ADAMTS17: variants seen among roughly 807,000 people sequenced by gnomAD.
The protein encoded by ADAMTS17 is ADAM metallopeptidase with thrombospondin type 1 motif 17.
A neutral mutation model predicts 141.5 loss-of-function variants in ADAMTS17; 113 were observed. That is an observed-to-expected ratio of 0.80 (90% confidence interval 0.69 to 0.93). The LOEUF is 0.93. ADAMTS17 is among the 40% of genes least tolerant of loss of function. The pLI is 0.00. For missense variants in ADAMTS17, 1,659 were observed against 1,517.9 expected (o/e 1.09, Z -1.54); for synonymous variants, 768 against 630.6 (o/e 1.22, Z -3.27).
chr15:100,184,516 G>C lies in ADAMTS17; in HGVS notation c.1181+14802C>G, dbSNP rs78287689. Among the ~76,000 whole-genome samples, 1,297 of 152,268 alleles carry C rather than the reference G, an allele frequency of 8.5e-3. 19 individuals are homozygous for C. The highest frequency in any genetic ancestry group is 0.029 in the African/African-American group (1,193 of 41,546). On this transcript the variant is annotated intron_variant, in intron 8 of 21. Coordinates refer to ENST00000268070, the MANE Select transcript of ADAMTS17 (RefSeq NM_139057.4). The stretch of plus-strand genomic sequence containing the variant: ...CCTTTACGTTTTTCTGAGGCTGTCA[G>C]TGTCCCCATTATACAGACGAGGACA...
chr15:100,175,519 T>A (rs1003423672), intron 8 of ADAMTS17, among the ~76,000 whole-genome samples: 3 of 152,092 alleles, frequency 2.0e-5, no homozygotes, highest in Non-Finnish European at 4.4e-5. Flanking sequence ...ACATTTCAAC[T>A]CTTAATGCAT....
chr15:100,169,984 C>T (rs1484576702), intron 8 of ADAMTS17, among the ~76,000 whole-genome samples: 1 of 152,106 alleles, frequency 6.6e-6, no homozygotes, highest in Non-Finnish European at 1.5e-5. Context: ...TCCCGGACAC[C>T]TCCTAGTCTC....
chr15:100,167,726 C>T (rs188913449), intron 8 of ADAMTS17, among the ~76,000 whole-genome samples: 4 of 152,258 alleles, frequency 2.6e-5, no homozygotes, highest in East Asian at 3.9e-4. Flanking sequence ...TACAAAAGCG[C>T]GTATGGCGAA....
chr15:100,063,363 G>A (rs1365581008), intron 15 of ADAMTS17, among the ~76,000 whole-genome samples: 1 of 152,170 alleles, frequency 6.6e-6, no homozygotes, highest in Non-Finnish European at 1.5e-5. Flanking sequence ...CAGCTCTCCT[G>A]GGGTTACTTT....
chr15:100,115,468 G>C (rs553523362), intron 13 of ADAMTS17, among the ~76,000 whole-genome samples: 1 of 152,288 alleles, frequency 6.6e-6, no homozygotes, highest in African/African-American at 2.4e-5. Flanking sequence ...GACAATGATG[G>C]GGCTCCCCAA....
intron 3 of ADAMTS17, among the ~76,000 whole-genome samples, chr15:100,320,875 G>A (rs922454440): frequency 1.3e-5 from 2 of 152,080 alleles, no homozygotes; most frequent in Non-Finnish European, 2.9e-5. Flanking sequence ...AGACAGTTTG[G>A]ACAAAGCAAA....
chr15:100,129,063 G>A (rs917956776), intron 12 of ADAMTS17: 5 of 152,204 alleles, frequency 3.3e-5, no homozygotes, highest in Non-Finnish European at 5.9e-5. Context: ...CTCGCCTAGA[G>A]ACAACTTAAA....
intron 4 of ADAMTS17, among the ~76,000 whole-genome samples, chr15:100,273,603 G>A (rs1166144546): frequency 6.6e-6 from 1 of 152,076 alleles, no homozygotes; most frequent in East Asian, 1.9e-4. Flanking sequence ...ATCTAGCTAA[G>A]GTTTGTCAAT....
chr15:100,245,127 C>T, intron 7 of ADAMTS17, among the ~76,000 whole-genome samples: 1 of 152,318 alleles, frequency 6.6e-6, no homozygotes, highest in Admixed American at 6.5e-5. Context: ...TCCTTCTACT[C>T]TTGTCACACT....
intron 7 of ADAMTS17, among the ~76,000 whole-genome samples, chr15:100,208,049 A>G (rs1007871368): frequency 3.3e-5 from 5 of 152,154 alleles, no homozygotes; most frequent in Non-Finnish European, 7.4e-5. Flanking sequence ...AGGGAATCCC[A>G]AAGAACTCCA....
intron 7 of ADAMTS17, among the ~76,000 whole-genome samples, chr15:100,247,492 T>C (rs2043023974): frequency 6.6e-6 from 1 of 151,944 alleles, no homozygotes; most frequent in Admixed American, 6.6e-5. Context: ...GTGACGGAAA[T>C]TCCCCAGAGG....
intron 20 of ADAMTS17, among the ~76,000 whole-genome samples, chr15:99,987,563 A>G (rs2060614441): frequency 6.6e-6 from 1 of 152,200 alleles, no homozygotes; most frequent in Non-Finnish European, 1.5e-5. Context: ...GGGTGCAACC[A>G]TGGCACCATC....
Position 100,258,805 on chromosome 15 carries a change from G to A in ADAMTS17, c.1031+2674C>T, listed in dbSNP as rs77694203. ...TTTTACAGAAAATATTTCCTTTGTG[G>A]TAAGTTAGGAGGGTGAAAAATGAAA... On this transcript the variant is annotated intron_variant, in intron 6 of 21. Coordinates refer to ENST00000268070, the MANE Select transcript of ADAMTS17 (RefSeq NM_139057.4). Among the ~76,000 whole-genome samples, 794 of 152,290 alleles carry A rather than the reference G, an allele frequency of 5.2e-3. 4 individuals are homozygous for A. Among genetic ancestry groups the A allele is most frequent in the Admixed American group, 7.3e-3 (111 of 15,290 alleles).
At chr15:100,195,609 G>T (rs1005617346) in intron 8 of ADAMTS17, among the ~76,000 whole-genome samples, 2 of 107,022 alleles carry the variant, frequency 1.9e-5, no homozygotes, top group South Asian at 3.1e-4. Flanking sequence ...CCATTGTTTG[G>T]TCTCAAAAAA....
Position 100,051,659 on chromosome 15 carries a change from T to A in ADAMTS17, c.2368A>T (p.Asn790Tyr), listed in dbSNP as rs1362907652. 6.2e-7 allele frequency: 1 copy of A among 1,614,216 alleles called. No individual in the cohort carries two copies. The highest frequency in any genetic ancestry group is 1.7e-5 in the Admixed American group (1 of 60,028). Residue 790 changes from asparagine (N) to tyrosine (Y), a missense_variant, in exon 17 of 22, where the codon AAT (asparagine) becomes TAT (tyrosine). Transcript: ENST00000268070. ...YTVPVNRTAE[N>Y]QSEPEKPQDS... ...TGCGGTTTTTCTGGTTCGCTTTGAT[T>A]TTCCGCAGTGCGGTTTACAGGAACA... is the stretch of plus-strand genomic sequence containing the variant.
chr15:100,084,340 C>A (rs11858175), intron 15 of ADAMTS17, among the ~76,000 whole-genome samples: 49,909 of 152,084 alleles, frequency 0.33, 10,509 homozygotes, highest in East Asian at 0.58. Flanking sequence ...AACAAAGCCG[C>A]CGGGAAGCTC....
intron 4 of ADAMTS17, among the ~76,000 whole-genome samples, chr15:100,263,614 C>A (rs1205058945): frequency 6.6e-6 from 1 of 152,138 alleles, no homozygotes; most frequent in South Asian, 2.1e-4. Context: ...CTGCAGCTGA[C>A]GAGCCCCAGG....
At chr15:100,246,026 T>C (rs903936406) in intron 7 of ADAMTS17, among the ~76,000 whole-genome samples, 4 of 152,180 alleles carry the variant, frequency 2.6e-5, no homozygotes, top group African/African-American at 7.2e-5. Context: ...AGGAATGTTC[T>C]CGGGATCGCC....
intron 3 of ADAMTS17, among the ~76,000 whole-genome samples, chr15:100,288,826 A>G (rs969704226): frequency 1.3e-5 from 2 of 152,210 alleles, no homozygotes; most frequent in Non-Finnish European, 2.9e-5. Flanking sequence ...GATACAACAT[A>G]CCAAAATCTT....
Sources: gnomAD v4.1 joint callset for allele counts (sites outside exome capture counted in the v4.1 genomes callset) on GRCh38, gnomAD v4.1.1 for gene constraint, MANE v1.5 for transcripts, NCBI Gene and HGNC (gene_info 2026-07-23, HGNC 2026-07-21) for gene names.